HSPA4: variants seen among roughly 807,000 people sequenced by gnomAD.
The protein encoded by HSPA4 is heat shock 70 kDa protein 4.
HSPA4 carries 25 observed loss-of-function variants against 106.2 expected under a neutral mutation model. That is an observed-to-expected ratio of 0.24 (90% CI 0.17 to 0.33). The LOEUF (loss-of-function observed/expected upper bound fraction) is 0.33. Among genes scored for constraint, HSPA4 ranks in the 10% least tolerant of loss-of-function variants. The pLI is 1.00. For synonymous variants in HSPA4, 332 were observed against 333.6 expected, an observed-to-expected ratio of 1.00 and a Z score of 0.05; for missense variants, 841 against 996.0, an observed-to-expected ratio of 0.84 and a Z score of 2.10.
At chr5:133,087,273 A>G (rs531866871) in intron 8 of HSPA4, among the ~76,000 whole-genome samples, 2 of 152,344 alleles carry the variant, frequency 1.3e-5, no homozygotes, top group Admixed American at 6.5e-5. Flanking sequence ...GTCTCAGGCT[A>G]AAAGGTGACT....
chr5:133,053,644 C>T (rs1348569882), intron 1 of HSPA4, among the ~76,000 whole-genome samples: 3 of 151,804 alleles, frequency 2.0e-5, no homozygotes, highest in Admixed American at 6.6e-5. Flanking sequence ...ACCACCGTGC[C>T]CTGCCCAGGG....
rs551963404 is a variant in HSPA4 at position 133,104,652 on chromosome 5, A to G, written c.*216A>G. ...ATTGTATCTTTTTCATAATGGTACT[A>G]TTTAGAAGCCCAGTTAGTCTTACTG... is the stretch of plus-strand genomic sequence containing the variant. On this transcript the variant is annotated 3_prime_UTR_variant, in exon 19 of 19. Coordinates refer to ENST00000304858, the MANE Select transcript of HSPA4 (RefSeq NM_002154.4). The G allele has an allele frequency of 1.3e-5, 7 of 526,766 alleles. No individual in the cohort carries two copies. The highest frequency in any genetic ancestry group is 4.3e-5 in the South Asian group (2 of 46,150). 32.6% of individuals were successfully genotyped at this position (526,766 alleles called of 1,614,324 possible). A position where few individuals can be genotyped will look rare whatever the true frequency, so the allele number is the denominator to read the frequency against.
At position 133,105,507 on chromosome 5, in the gene HSPA4, A is replaced by T. The variant is rs987700848; in HGVS notation, c.*1071A>T. The T allele has an allele frequency of 1.3e-5, 2 of 152,188 alleles. No individual in the cohort carries two copies. Among genetic ancestry groups the T allele is most frequent in the Non-Finnish European group, 2.9e-5 (2 of 68,040 alleles). The allele number at this position is 152,188 out of a possible 1,614,324, so 9.4% of individuals were successfully genotyped here. A position where few individuals can be genotyped will look rare whatever the true frequency, so the allele number is the denominator to read the frequency against. Reference sequence around the variant, plus strand: ...AAGTGTGGTGCCTGATGTTATAACAACACCTCATTCTTAACTGTGTGGCCA... The same window carrying T: ...AAGTGTGGTGCCTGATGTTATAACATCACCTCATTCTTAACTGTGTGGCCA... On this transcript the variant is annotated 3_prime_UTR_variant, in exon 19 of 19. Coordinates refer to ENST00000304858, the MANE Select transcript of HSPA4 (RefSeq NM_002154.4).
chr5:133,066,902 G>T (rs578098365), intron 2 of HSPA4, among the ~76,000 whole-genome samples: 1 of 152,012 alleles, frequency 6.6e-6, no homozygotes, highest in East Asian at 1.9e-4. Context: ...TTTTAGTAGA[G>T]ACAGCGTTTC....
intron 4 of HSPA4, among the ~76,000 whole-genome samples, chr5:133,071,335 C>T (rs997567549): frequency 1.3e-5 from 2 of 150,858 alleles, no homozygotes; most frequent in African/African-American, 4.9e-5. Context: ...GTGGCACACA[C>T]CTGTAGTCCC....
At chr5:133,078,862 T>C (rs569673600) in intron 7 of HSPA4, among the ~76,000 whole-genome samples, 1 of 152,134 alleles carries the variant, frequency 6.6e-6, no homozygotes, top group African/African-American at 2.4e-5. Context: ...GTCTCCTGAG[T>C]AGCTGGGACT....
chr5:133,077,299 C>A (rs933100026), intron 7 of HSPA4, among the ~76,000 whole-genome samples: 2 of 152,016 alleles, frequency 1.3e-5, no homozygotes, highest in African/African-American at 4.8e-5. Context: ...AGTAAAGTGG[C>A]ACAATCTCAA....
rs1765854579 is a variant in HSPA4, at chr5:133,106,101, A to ATT, written c.*1665_*1666insTT. The ATT allele has an allele frequency of 1.4e-3, 114 of 80,218 alleles. No individual in the cohort carries two copies. The highest frequency in any genetic ancestry group is 1.8e-3 in the South Asian group (4 of 2,166). The allele number at this position is 80,218 out of a possible 1,614,324, so 5.0% of individuals were successfully genotyped here. On this transcript the variant is annotated 3_prime_UTR_variant, in exon 19 of 19. Coordinates refer to ENST00000304858, the MANE Select transcript of HSPA4 (RefSeq NM_002154.4). ...GGCCATTTCTTCTTAAAAAAAAAAA[A>ATT]ATTTTTTTTTTTTTTTTTTTTTTTT... is the stretch of plus-strand genomic sequence containing the variant.
At chr5:133,095,288 C>T (rs10072173) in intron 13 of HSPA4, among the ~76,000 whole-genome samples, 2,772 of 152,142 alleles carry the variant, frequency 0.018, 94 homozygotes, top group African/African-American at 0.064. Context: ...GGCTACAGAG[C>T]GAGACTCCAT....
chr5:133,087,578 A>G (rs748636953), intron 8 of HSPA4, among the ~76,000 whole-genome samples: 2 of 152,168 alleles, frequency 1.3e-5, no homozygotes, highest in Non-Finnish European at 2.9e-5. Context: ...TTTGATACAC[A>G]CCTTCTTTCT....
At chr5:133,077,164 C>A (rs958506623) in intron 7 of HSPA4, among the ~76,000 whole-genome samples, 1 of 152,110 alleles carries the variant, frequency 6.6e-6, no homozygotes, top group Non-Finnish European at 1.5e-5. Context: ...CACGAGATTT[C>A]AGTTTCCAAA....
At chr5:133,087,021 A>G (rs1361121551) in intron 8 of HSPA4, among the ~76,000 whole-genome samples, 163 bp downstream of exon 8, 1 of 152,226 alleles carries the variant, frequency 6.6e-6, no homozygotes, top group Non-Finnish European at 1.5e-5. Context: ...CCCTGCCCAA[A>G]GTAATCTTTT....
intron 1 of HSPA4, among the ~76,000 whole-genome samples, chr5:133,059,805 G>T (rs939628450): frequency 3.7e-4 from 56 of 152,252 alleles, no homozygotes; most frequent in African/African-American, 1.3e-3. Flanking sequence ...ACACCACCTG[G>T]CACCAGAAGG....
Position 133,089,140 on chromosome 5 carries a change from C to T in HSPA4, c.1223C>T (p.Ser408Phe). 1 of 1,591,018 alleles carries T rather than the reference C, an allele frequency of 6.3e-7. No homozygotes were observed. The highest frequency in any genetic ancestry group is 8.6e-7 in the Non-Finnish European group (1 of 1,165,198). The change falls in exon 10 of 19, where the codon TCT becomes TTT. Residue 408 changes from serine to phenylalanine, a missense_variant. Coordinates refer to ENST00000304858, the MANE Select transcript of HSPA4 (RefSeq NM_002154.4). ...VPYPISLRWN[S>F]PAEEGSSDCE... is the part of the protein sequence containing the mutation. The stretch of plus-strand genomic sequence containing the variant: ...TATCCAATATCTCTGAGATGGAATT[C>T]TCCAGCTGAAGAAGGGTCAAGGTAT...
At chr5:133,103,129 G>A (rs373699200) in intron 17 of HSPA4, among the ~76,000 whole-genome samples, 5 of 149,144 alleles carry the variant, frequency 3.4e-5, no homozygotes, top group African/African-American at 1.2e-4. Context: ...TGGTGTGATC[G>A]TAGTTCACTG....
intron 1 of HSPA4, among the ~76,000 whole-genome samples, chr5:133,062,096 T>A (rs536751779): frequency 6.6e-6 from 1 of 152,306 alleles, no homozygotes; most frequent in South Asian, 2.1e-4. Flanking sequence ...TTGTGTTGAT[T>A]GTGTGGATGA....
chr5:133,078,016 A>T (rs1008754200), intron 7 of HSPA4, among the ~76,000 whole-genome samples: 2 of 152,296 alleles, frequency 1.3e-5, no homozygotes, highest in South Asian at 4.1e-4. Context: ...TTAAAAACTG[A>T]ATTTGCCTGT....
chr5:133,097,433 A>G, intron 15 of HSPA4, 147 bp downstream of exon 15: 3 of 554,584 alleles, frequency 5.4e-6, no homozygotes, highest in South Asian at 3.8e-5. Context: ...ATATTTTTTT[A>G]TATATTTCTC....
rs541329946 is a variant in HSPA4 at position 133,088,598 on chromosome 5, G to C, written c.1137+43G>C. 4.6e-6 allele frequency: 7 copies of C among 1,537,208 alleles called. No homozygotes were observed. In the Admixed American group the frequency reaches 1.2e-4, roughly 26 times the overall value. ...TATAGGTAACCATTTATAAATCATT[G>C]TAACAAGATGGCAGTGGTTTATGTA... is the stretch of plus-strand genomic sequence containing the variant. On this transcript the variant is annotated intron_variant, in intron 9 of 18. Transcript: ENST00000304858.
Sources: allele counts gnomAD v4.1 joint callset (sites outside exome capture counted in the v4.1 genomes callset), GRCh38; gene constraint gnomAD v4.1.1; transcripts MANE v1.5; gene names NCBI Gene and HGNC (gene_info 2026-07-23, HGNC 2026-07-21).